The following PCCA variants were observed in gnomAD, a reference collection of about 807,000 sequenced individuals.
PCCA encodes propionyl-CoA carboxylase subunit alpha, also known as propionyl-CoA carboxylase alpha chain, mitochondrial.
In PCCA, 74 loss-of-function variants were observed where a neutral mutation model predicts 101.3. The ratio of observed to expected loss-of-function variants is 0.73; its 90% CI spans 0.61 to 0.89. The LOEUF (loss-of-function observed/expected upper bound fraction) is 0.89, where lower values mean the gene tolerates loss of function less well. PCCA is among the 40% of genes least tolerant of loss of function. The pLI, the probability that PCCA is intolerant of heterozygous loss-of-function variation, is 0.00. For missense variants in PCCA, 891 were observed against 907.0 expected, an observed-to-expected ratio of 0.98 and a Z score of 0.23; for synonymous variants, 294 against 313.6, an observed-to-expected ratio of 0.94 and a Z score of 0.66.
chr13:100,092,250 A>G (rs2046347290), intron 1 of PCCA, among the ~76,000 whole-genome samples: 1 of 152,216 alleles, frequency 6.6e-6, no homozygotes, highest in Non-Finnish European at 1.5e-5. Context: ...TCCTTATAAC[A>G]ACTAGGTAAA....
intron 22 of PCCA, among the ~76,000 whole-genome samples, chr13:100,524,414 G>GTGTTA (rs2087571466): frequency 4.6e-5 from 2 of 43,538 alleles, no homozygotes; most frequent in Non-Finnish European, 1.2e-4. Context: ...TGTGTGTGTT[G>GTGTTA]GGGTAGAACA....
chr13:100,512,834 G>T (rs1181068474), intron 21 of PCCA, among the ~76,000 whole-genome samples: 2 of 152,180 alleles, frequency 1.3e-5, no homozygotes, highest in East Asian at 3.9e-4. Flanking sequence ...CAACCCTTGA[G>T]GAATAGTTAA....
intron 21 of PCCA, among the ~76,000 whole-genome samples, chr13:100,498,757 T>C (rs1388203136): frequency 2.6e-5 from 4 of 152,204 alleles, no homozygotes; most frequent in Non-Finnish European, 5.9e-5. Flanking sequence ...AGCATGTGTC[T>C]GGTCTTTGTA....
intron 19 of PCCA, among the ~76,000 whole-genome samples, chr13:100,390,727 C>A (rs2076758421): frequency 6.6e-6 from 1 of 152,084 alleles, no homozygotes; most frequent in Non-Finnish European, 1.5e-5. Flanking sequence ...ACAAAAAAAA[C>A]AACTAAGGCT....
intron 21 of PCCA, among the ~76,000 whole-genome samples, chr13:100,451,087 A>G (rs1354743288): frequency 6.6e-6 from 1 of 152,178 alleles, no homozygotes; most frequent in Non-Finnish European, 1.5e-5. Context: ...AAGACAGTCC[A>G]CTGGCTGAAG....
At chr13:100,119,542 C>T (rs974925794) in intron 4 of PCCA, among the ~76,000 whole-genome samples, 6 of 152,130 alleles carry the variant, frequency 3.9e-5, no homozygotes, top group African/African-American at 1.4e-4. Flanking sequence ...AATGAGATTG[C>T]ACACACACAG....
At chr13:100,238,002 G>A (rs1428219107) in intron 8 of PCCA, among the ~76,000 whole-genome samples, 3 of 148,938 alleles carry the variant, frequency 2.0e-5, no homozygotes, top group Non-Finnish European at 3.0e-5. Context: ...GCAGTGGTGC[G>A]ATCTCTGCTC....
intron 21 of PCCA, among the ~76,000 whole-genome samples, chr13:100,505,707 A>G (rs1456092287): frequency 2.0e-5 from 3 of 152,180 alleles, no homozygotes; most frequent in African/African-American, 7.2e-5. Context: ...TCTACAAAAC[A>G]TACTCAAACA....
chr13:100,282,220 A>G (rs2064177502), intron 12 of PCCA, among the ~76,000 whole-genome samples: 1 of 152,228 alleles, frequency 6.6e-6, no homozygotes, highest in South Asian at 2.1e-4. Flanking sequence ...ATATTTTCAT[A>G]GGGCTACAGG....
chr13:100,204,516 C>T (rs554066234), intron 6 of PCCA, among the ~76,000 whole-genome samples: 20 of 152,132 alleles, frequency 1.3e-4, no homozygotes, highest in Non-Finnish European at 2.4e-4. Flanking sequence ...AAAATCTATA[C>T]GCTTTAAAAT....
At chr13:100,319,478 A>T (rs1053681397) in intron 16 of PCCA, among the ~76,000 whole-genome samples, 6 of 152,254 alleles carry the variant, frequency 3.9e-5, no homozygotes, top group Admixed American at 6.5e-5. Context: ...GGCCTAACAT[A>T]TAAGTCTTTA....
intron 21 of PCCA, among the ~76,000 whole-genome samples, chr13:100,450,847 G>A (rs888163601): frequency 2.6e-5 from 4 of 152,122 alleles, no homozygotes; most frequent in Non-Finnish European, 5.9e-5. Flanking sequence ...GGTAATACAT[G>A]CTTATTGTAA....
intron 19 of PCCA, among the ~76,000 whole-genome samples, chr13:100,398,636 G>T (rs1309517133): frequency 2.0e-5 from 3 of 151,970 alleles, no homozygotes; most frequent in Non-Finnish European, 4.4e-5. Flanking sequence ...GCCAAATTTG[G>T]CAGGTAAAAT....
At chr13:100,280,159 G>C (rs1321044730) in intron 12 of PCCA, among the ~76,000 whole-genome samples, 1 of 151,936 alleles carries the variant, frequency 6.6e-6, no homozygotes, top group Non-Finnish European at 1.5e-5. Flanking sequence ...TGGTTCCGTT[G>C]ACTGGTTTTG....
intron 23 of PCCA, among the ~76,000 whole-genome samples, chr13:100,528,630 G>GGCCC (rs2088074165): frequency 1.3e-5 from 2 of 152,322 alleles, no homozygotes; most frequent in South Asian, 4.1e-4. Context: ...GGAGAACAGA[G>GGCCC]GCCCAGGTGT....
At chr13:100,294,304 G>C (rs1194757049) in intron 12 of PCCA, among the ~76,000 whole-genome samples, 2 of 152,102 alleles carry the variant, frequency 1.3e-5, no homozygotes, top group East Asian at 1.9e-4. Flanking sequence ...ATTCTGAGGT[G>C]GTGGGGCTAG....
At chr13:100,181,826 C>T (rs572292904) in intron 6 of PCCA, among the ~76,000 whole-genome samples, 7 of 146,634 alleles carry the variant, frequency 4.8e-5, no homozygotes, top group East Asian at 2.0e-4. Flanking sequence ...AGTGCAGTGG[C>T]GTGATCTTGG....
intron 2 of PCCA, among the ~76,000 whole-genome samples, chr13:100,109,761 A>G (rs552954318): frequency 1.3e-5 from 2 of 152,312 alleles, no homozygotes; most frequent in South Asian, 4.1e-4. Flanking sequence ...GTTAAGACAT[A>G]TATGATGTAA....
At position 100,275,758 on chromosome 13, in the gene PCCA, C is replaced by T. The variant is rs184933476; in HGVS notation, c.1065+2412C>T. On this transcript the variant is annotated intron_variant, in intron 12 of 23. Coordinates refer to ENST00000376285, the MANE Select transcript of PCCA (RefSeq NM_000282.4). ...TTTGGGGGTTATAAATACTGCTGAT[C>T]TTTTGGTAGAACCTCTACATTACAA... Among the ~76,000 whole-genome samples the T allele has an allele frequency of 1.8e-3, 274 of 151,324 alleles. 2 individuals carry two copies. The highest frequency in any genetic ancestry group is 4.6e-3 in the Admixed American group (70 of 15,174).
Sources: gnomAD v4.1 joint callset for allele counts (sites outside exome capture counted in the v4.1 genomes callset) on GRCh38, gnomAD v4.1.1 for gene constraint, MANE v1.5 for transcripts, NCBI Gene and HGNC (gene_info 2026-07-23, HGNC 2026-07-21) for gene names.